Variants in ZFAND3 observed in about 807,000 individuals in gnomAD.
ZFAND3 encodes the protein zinc finger AN1-type containing 3.
ZFAND3 carries 10 observed loss-of-function variants against 29.6 expected under a neutral mutation model. That is an observed-to-expected ratio of 0.34 (90% CI 0.21 to 0.57). ZFAND3 has a LOEUF of 0.57. Ranked by LOEUF, ZFAND3 falls within the 20% of genes least tolerant of loss-of-function variation. The probability of loss-of-function intolerance (pLI) is 0.86; values close to 1 mark genes in which losing one functional copy is unlikely to be tolerated. For missense variants in ZFAND3, 230 were observed against 304.5 expected, an observed-to-expected ratio of 0.76 and a Z score of 1.82; for synonymous variants, 128 against 112.6, an observed-to-expected ratio of 1.14 and a Z score of -0.87.
chr6:38,011,463 A>G (rs1238886726), intron 2 of ZFAND3, among the ~76,000 whole-genome samples: 1 of 152,120 alleles, frequency 6.6e-6, no homozygotes, highest in Non-Finnish European at 1.5e-5. Flanking sequence ...ATCCTTGCCA[A>G]CACCTGGTGT....
Position 38,116,754 on chromosome 6 carries a change from C to G in ZFAND3, c.529+15C>G, listed in dbSNP as rs1228996597. ...GTGTCGCTGCGGTAAGCATCTCCCC[C>G]AGTGGCGTGATGGAGACTATATCCT... On this transcript the variant is annotated intron_variant, in intron 5 of 5. Transcript: ENST00000287218. The G allele has an allele frequency of 1.2e-6, 2 of 1,611,952 alleles. No individual in the cohort carries two copies. Among genetic ancestry groups the G allele is most frequent in the East Asian group, 4.5e-5 (2 of 44,836 alleles).
At chr6:38,019,542 C>T (rs975768757) in intron 2 of ZFAND3, among the ~76,000 whole-genome samples, 5 of 151,878 alleles carry the variant, frequency 3.3e-5, no homozygotes, top group African/African-American at 9.7e-5. Context: ...TTTATTTTTA[C>T]GTAGTCAAAT....
intron 2 of ZFAND3, among the ~76,000 whole-genome samples, chr6:37,968,706 C>T (rs1051044413): frequency 1.3e-5 from 2 of 152,174 alleles, no homozygotes; most frequent in South Asian, 2.1e-4. Context: ...CTTCCCCCTT[C>T]CGCCTTCCCG....
At chr6:37,862,911 GT>G (rs765480016) in intron 1 of ZFAND3, among the ~76,000 whole-genome samples, 36 of 146,576 alleles carry the variant, frequency 2.5e-4, no homozygotes, top group Middle Eastern at 3.5e-3. Flanking sequence ...ATTTGTTAAC[GT>G]TTTTTTTTTT....
intron 2 of ZFAND3, among the ~76,000 whole-genome samples, chr6:37,970,472 T>C (rs983033629): frequency 6.6e-6 from 1 of 152,162 alleles, no homozygotes; most frequent in African/African-American, 2.4e-5. Context: ...TGACAGAATT[T>C]GGTTCTGTGG....
intron 3 of ZFAND3, among the ~76,000 whole-genome samples, chr6:38,077,727 G>C (rs968250185): frequency 1.3e-5 from 2 of 152,208 alleles, no homozygotes; most frequent in Admixed American, 1.3e-4. Context: ...AAACTTTTCA[G>C]AGTAGATTGT....
At chr6:37,835,713 GT>G (rs1314912328) in intron 1 of ZFAND3, among the ~76,000 whole-genome samples, 2 of 152,088 alleles carry the variant, frequency 1.3e-5, no homozygotes, top group Non-Finnish European at 2.9e-5. Flanking sequence ...GTTCTTTTGA[GT>G]ATGTTTCCTA....
intron 2 of ZFAND3, among the ~76,000 whole-genome samples, chr6:38,028,405 G>A (rs968336027): frequency 6.6e-6 from 1 of 151,512 alleles, no homozygotes; most frequent in Non-Finnish European, 1.5e-5. Context: ...ACAGTTTTTA[G>A]AAATACTCTA....
intron 1 of ZFAND3, among the ~76,000 whole-genome samples, chr6:37,839,934 C>G (rs748902503): frequency 6.6e-6 from 1 of 152,082 alleles, no homozygotes; most frequent in Non-Finnish European, 1.5e-5. Context: ...CTTTAGAGCA[C>G]AAAAGTTTTA....
At chr6:38,032,402 C>T (rs923370826) in intron 2 of ZFAND3, among the ~76,000 whole-genome samples, 2 of 152,104 alleles carry the variant, frequency 1.3e-5, no homozygotes, top group Non-Finnish European at 1.5e-5. Flanking sequence ...TTTGTCAAGT[C>T]TTTGAGACAG....
At chr6:37,921,043 A>G (rs1761366681) in intron 1 of ZFAND3, among the ~76,000 whole-genome samples, 1 of 152,018 alleles carries the variant, frequency 6.6e-6, no homozygotes, top group South Asian at 2.1e-4. Flanking sequence ...TGTAGTAGGT[A>G]TTGTGGTTTG....
At position 38,132,533 on chromosome 6, in the gene ZFAND3, C is replaced by T. The variant is rs11965324; in HGVS notation, c.529+15794C>T. Among the ~76,000 whole-genome samples, 302 of 152,246 alleles carry T rather than the reference C, an allele frequency of 2.0e-3. 2 individuals are homozygous for T. The highest frequency in any genetic ancestry group is 6.9e-3 in the African/African-American group (287 of 41,546). On this transcript the variant is annotated intron_variant, in intron 5 of 5. Coordinates refer to ENST00000287218, the MANE Select transcript of ZFAND3 (RefSeq NM_021943.3). Reference sequence around the variant, plus strand: ...TAGAAAACAAAATACATGGGTTCTTCGGAGGTCACAGACCTACTGTGTGTA... The same window carrying T: ...TAGAAAACAAAATACATGGGTTCTTTGGAGGTCACAGACCTACTGTGTGTA...
At chr6:37,897,605 G>C (rs1287086323) in intron 1 of ZFAND3, among the ~76,000 whole-genome samples, 2 of 152,204 alleles carry the variant, frequency 1.3e-5, no homozygotes, top group African/African-American at 4.8e-5. Flanking sequence ...TACTCTCCCA[G>C]CATCAGCGGA....
At chr6:37,950,504 C>T (rs548261735) in intron 2 of ZFAND3, among the ~76,000 whole-genome samples, 5 of 151,782 alleles carry the variant, frequency 3.3e-5, no homozygotes, top group East Asian at 1.9e-4. Context: ...CAGCCTCCCA[C>T]GTAGCTGGGA....
chr6:38,129,197 T>C (rs1387607707), intron 5 of ZFAND3, among the ~76,000 whole-genome samples: 2 of 152,238 alleles, frequency 1.3e-5, no homozygotes, highest in East Asian at 3.8e-4. Context: ...TTGATTTGTT[T>C]GAGTTCATTG....
chr6:37,829,267 G>A (rs1228701605), intron 1 of ZFAND3, among the ~76,000 whole-genome samples: 1 of 151,594 alleles, frequency 6.6e-6, no homozygotes, highest in Non-Finnish European at 1.5e-5. Context: ...CAGACTTGGT[G>A]GCTCATGCCT....
At chr6:38,057,476 T>G (rs541354917) in intron 2 of ZFAND3, among the ~76,000 whole-genome samples, 1 of 152,358 alleles carries the variant, frequency 6.6e-6, no homozygotes, top group Admixed American at 6.5e-5. Context: ...TACCTTTTCT[T>G]TTTAATTCTG....
rs149701086 is a variant in ZFAND3 at position 38,075,780 on chromosome 6, C to T, written c.296-6612C>T. On this transcript the variant is annotated intron_variant, in intron 3 of 5. Transcript: ENST00000287218. ...TTTTTTTGTTTGTTTGAGACAGAGC[C>T]TCGCTCTGTCGCCCAGCCTGGAGTG... is the stretch of plus-strand genomic sequence containing the variant. 8.7e-3 allele frequency among the ~76,000 whole-genome samples: 1,320 copies of T among 151,718 alleles called. 18 individuals carry two copies. The highest frequency in any genetic ancestry group is 0.03 in the African/African-American group (1,244 of 41,330).
Position 37,821,920 on chromosome 6 carries a change from A to C in ZFAND3, c.71+1904A>C, listed in dbSNP as rs187187342. ...GTGATCTCGACTTACTGCAGCCTGC[A>C]CCTCCCGGGTTCAAGCAGTTCTCCT... is the stretch of plus-strand genomic sequence containing the variant. On this transcript the variant is annotated intron_variant, in intron 1 of 5. Transcript: ENST00000287218. Among the ~76,000 whole-genome samples, 8 of 152,030 alleles carry C rather than the reference A, an allele frequency of 5.3e-5. No individual in the cohort carries two copies. In the East Asian group the frequency reaches 1.4e-3, roughly 26 times the overall value.
Sources: gnomAD v4.1 joint callset for allele counts (sites outside exome capture counted in the v4.1 genomes callset) on GRCh38, gnomAD v4.1.1 for gene constraint, MANE v1.5 for transcripts, NCBI Gene and HGNC (gene_info 2026-07-23, HGNC 2026-07-21) for gene names.